Variants in ATP9A observed in about 807,000 individuals in gnomAD.
ATP9A encodes the protein probable phospholipid-transporting ATPase IIA.
A neutral mutation model predicts 144.1 loss-of-function variants in ATP9A; 52 were observed. The ratio of observed to expected loss-of-function variants is 0.36; its 90% CI spans 0.29 to 0.45. The LOEUF is 0.45. Among genes scored for constraint, ATP9A ranks in the 20% least tolerant of loss-of-function variants. The pLI is 1.00. For synonymous variants in ATP9A, 582 were observed against 557.4 expected (o/e 1.04, Z -0.62); for missense variants, 947 against 1,392.7 (o/e 0.68, Z 5.09).
At chr20:51,748,659 C>G (rs995749927) in intron 1 of ATP9A, among the ~76,000 whole-genome samples, 1 of 152,180 alleles carries the variant, frequency 6.6e-6, no homozygotes, top group Non-Finnish European at 1.5e-5. Flanking sequence ...TCAGGGAGGA[C>G]ATTTTGACGA....
At chr20:51,617,384 A>T in intron 22 of ATP9A, 106 bp downstream of exon 22, 1 of 1,167,786 alleles carries the variant, frequency 8.6e-7, no homozygotes, top group Non-Finnish European at 1.2e-6. Flanking sequence ...CTTATGTTTT[A>T]TCATTCTTTA....
At position 51,713,028 on chromosome 20, in the gene ATP9A, A is replaced by C; in HGVS notation, c.374T>G (p.Ile125Ser). ...TTCCTTGTCCCGCACGTAGCATCGG[A>C]TCTCCTCCACCGCCTCACGGATGAC... The part of the protein sequence containing the change: ...VTVIREAVEE[I>S]RCYVRDKEVN... Residue 125 changes from isoleucine (I) to serine (S), a missense_variant, in exon 4 of 28, where the codon ATC (isoleucine) becomes AGC (serine). Around this residue, in one of 2 missense-constraint regions of ATP9A, gnomAD observed 770 missense variants for 1,047.9 expected, o/e 0.73. Coordinates refer to ENST00000338821, the MANE Select transcript of ATP9A (RefSeq NM_006045.3). The C allele has an allele frequency of 6.2e-7, 1 of 1,613,176 alleles. No homozygotes were observed. Among genetic ancestry groups the C allele is most frequent in the Non-Finnish European group, 8.5e-7 (1 of 1,179,700 alleles).
intron 26 of ATP9A, among the ~76,000 whole-genome samples, chr20:51,605,377 G>A (rs1318092508): frequency 6.6e-6 from 1 of 152,212 alleles, no homozygotes; most frequent in African/African-American, 2.4e-5. Flanking sequence ...CCACAATTTG[G>A]GAGGCCAAGG....
At chr20:51,700,393 G>A (rs945364581) in intron 4 of ATP9A, among the ~76,000 whole-genome samples, 1 of 152,140 alleles carries the variant, frequency 6.6e-6, no homozygotes, top group African/African-American at 2.4e-5. Context: ...GTGGTGATGT[G>A]CACCTACAGT....
intron 1 of ATP9A, among the ~76,000 whole-genome samples, chr20:51,752,029 A>G (rs2077834451): frequency 6.7e-6 from 1 of 149,392 alleles, no homozygotes; most frequent in Admixed American, 6.8e-5. Flanking sequence ...TACATTTTGT[A>G]GGTGGGCAAG....
Position 51,600,041 on chromosome 20 carries a change from G to A in ATP9A, c.*1170C>T, listed in dbSNP as rs2077135582. ...TGGGAGGGGAGAAATCTTCACCACTGGCTGCCTTTCAGCAAGTTCCCCTTG... is the reference window on the plus strand; with the variant it reads ...TGGGAGGGGAGAAATCTTCACCACTAGCTGCCTTTCAGCAAGTTCCCCTTG... On this transcript the variant is annotated 3_prime_UTR_variant, in exon 28 of 28. Transcript: ENST00000338821. 1.3e-5 allele frequency: 2 copies of A among 152,156 alleles called. No individual in the cohort carries two copies. The highest frequency in any genetic ancestry group is 6.5e-5 in the Admixed American group (1 of 15,280). 9.4% of individuals were successfully genotyped at this position (152,156 alleles called of 1,614,324 possible). A position where few individuals can be genotyped will look rare whatever the true frequency, so the allele number is the denominator to read the frequency against.
chr20:51,710,706 G>C (rs929777546), intron 4 of ATP9A, among the ~76,000 whole-genome samples: 1 of 152,284 alleles, frequency 6.6e-6, no homozygotes. Flanking sequence ...GGGCCGCAAA[G>C]AGAGACCCAC....
In ATP9A at chr20:51,601,289, G is replaced by A; in HGVS notation, c.3066C>T (p.Val1022=). Residue 1022 remains valine (V), a synonymous_variant, in exon 28 of 28, where the codon GTC becomes GTT. Transcript: ENST00000338821. ...TGAGGACATAGAGGGGGAGGCAGCT[G>A]ACCAGAGTGATGACGGAGACTTTCC... The part of the protein sequence containing the change: ...FLWKVSVITL[V]SCLPLYVLKY... 1 of 1,613,878 alleles carries A rather than the reference G, an allele frequency of 6.2e-7. No homozygotes were observed. Among genetic ancestry groups the A allele is most frequent in the East Asian group, 2.2e-5 (1 of 44,880 alleles).
intron 14 of ATP9A, among the ~76,000 whole-genome samples, chr20:51,651,052 A>T (rs2077362279): frequency 6.7e-6 from 1 of 150,168 alleles, no homozygotes; most frequent in Non-Finnish European, 1.5e-5. Context: ...AATCTCGGAA[A>T]GCCATATGAC....
At position 51,656,289 on chromosome 20, in the gene ATP9A, C is replaced by T. The variant is rs1227739023; in HGVS notation, c.1506+649G>A. On this transcript the variant is annotated intron_variant, in intron 14 of 27. Coordinates refer to ENST00000338821, the MANE Select transcript of ATP9A (RefSeq NM_006045.3). ...CCATACTCACCAACGCAGTGACTCA[C>T]GCCTGTAATCCCAACACTGTGGGAG... is the stretch of plus-strand genomic sequence containing the variant. Among the ~76,000 whole-genome samples the T allele has an allele frequency of 3.3e-5, 5 of 152,062 alleles. No homozygotes were observed. In the East Asian group the frequency reaches 7.7e-4, roughly 23 times the overall value.
At chr20:51,761,020 C>T (rs1390865556) in intron 1 of ATP9A, among the ~76,000 whole-genome samples, 1 of 152,056 alleles carries the variant, frequency 6.6e-6, no homozygotes, top group Non-Finnish European at 1.5e-5. Context: ...AGTGAGACTC[C>T]GTCTCAAAAT....
intron 15 of ATP9A, among the ~76,000 whole-genome samples, chr20:51,636,634 A>T (rs2077293351): frequency 1.3e-5 from 2 of 152,320 alleles, no homozygotes; most frequent in South Asian, 4.1e-4. Context: ...AGCTGTGTGA[A>T]CTTGGACAGG....
Position 51,674,194 on chromosome 20 carries a change from G to A in ATP9A, c.996C>T (p.Ile332=). The A allele has an allele frequency of 1.2e-6, 2 of 1,614,046 alleles. No individual in the cohort carries two copies. The highest frequency in any genetic ancestry group is 1.7e-6 in the Non-Finnish European group (2 of 1,180,002). Residue 332 remains isoleucine (I), a synonymous_variant, in exon 11 of 28, where the codon ATC becomes ATT. Coordinates refer to ENST00000338821, the MANE Select transcript of ATP9A (RefSeq NM_006045.3). ...QHFAGRWYLQ[I]IRFLLLFSNI... is the part of the protein sequence containing the mutation. ...TGGAAAACAAGAGGAGGAAGCGGATGATCTGCAGGTACCAACGGCCTGCAA... is the reference window on the plus strand; with the variant it reads ...TGGAAAACAAGAGGAGGAAGCGGATAATCTGCAGGTACCAACGGCCTGCAA...
intron 1 of ATP9A, among the ~76,000 whole-genome samples, chr20:51,747,272 G>A (rs1045522551): frequency 6.6e-6 from 1 of 152,112 alleles, no homozygotes; most frequent in Non-Finnish European, 1.5e-5. Context: ...AAGTCAATGT[G>A]GCAGCTTCTC....
intron 22 of ATP9A, among the ~76,000 whole-genome samples, chr20:51,615,493 G>A (rs1050586323): frequency 1.3e-5 from 2 of 152,034 alleles, no homozygotes; most frequent in African/African-American, 2.4e-5. Context: ...ATATATACAT[G>A]TGTAAGATAT....
At chr20:51,732,070 C>T (rs1428484657) in intron 1 of ATP9A, among the ~76,000 whole-genome samples, 2 of 152,098 alleles carry the variant, frequency 1.3e-5, no homozygotes, top group Non-Finnish European at 2.9e-5. Flanking sequence ...AAGAGGACAG[C>T]TCATTGGTGC....
chr20:51,753,484 C>CA (rs372892373), intron 1 of ATP9A, among the ~76,000 whole-genome samples: 1 of 149,538 alleles, frequency 6.7e-6, no homozygotes, highest in African/African-American at 2.5e-5. Context: ...ACAACAACAA[C>CA]AACAAACCCA....
chr20:51,676,025 C>G, intron 10 of ATP9A, 107 bp downstream of exon 10: 1 of 771,770 alleles, frequency 1.3e-6, no homozygotes, highest in Non-Finnish European at 2.2e-6. Context: ...GATAAAATGT[C>G]TGTATAAATA....
chr20:51,718,088 G>C (rs1204385218), intron 3 of ATP9A, among the ~76,000 whole-genome samples: 1 of 152,214 alleles, frequency 6.6e-6, no homozygotes, highest in Non-Finnish European at 1.5e-5. Flanking sequence ...ATTGCAGCCA[G>C]GGCAATGGAT....
Sources: gnomAD v4.1 joint callset for allele counts (sites outside exome capture counted in the v4.1 genomes callset) on GRCh38, gnomAD v4.1.1 for gene constraint, gnomAD v4.1.1 regional missense constraint, MANE v1.5 for transcripts, NCBI Gene and HGNC (gene_info 2026-07-23, HGNC 2026-07-21) for gene names.